The following GPC5 variants were observed in gnomAD, a reference collection of about 807,000 sequenced individuals.
The protein encoded by GPC5 is glypican 5, also known as glypican-5.
GPC5 carries 47 observed loss-of-function variants against 53.9 expected under a neutral mutation model. The ratio of observed to expected loss-of-function variants is 0.87; its 90% CI spans 0.69 to 1.11. GPC5 has a LOEUF of 1.11. Among genes scored for constraint, GPC5 ranks in the 50% most tolerant of loss-of-function variants. The pLI, the probability that GPC5 is intolerant of heterozygous loss-of-function variation, is 0.00. For missense variants in GPC5, 748 were observed against 713.1 expected, an observed-to-expected ratio of 1.05 and a Z score of -0.56; for synonymous variants, 286 against 263.3, an observed-to-expected ratio of 1.09 and a Z score of -0.84.
At chr13:92,417,711 T>C (rs1249434773) in intron 7 of GPC5, among the ~76,000 whole-genome samples, 1 of 152,006 alleles carries the variant, frequency 6.6e-6, no homozygotes, top group Non-Finnish European at 1.5e-5. Context: ...CATCTCTACC[T>C]GCTCCCAAGC....
rs146905639 is a variant in GPC5, at chr13:91,500,629, A to G, written c.325+51707A>G. Among the ~76,000 whole-genome samples, 14 of 152,322 alleles carry G rather than the reference A, an allele frequency of 9.2e-5. No homozygotes were observed. The East Asian group carries it at 2.7e-3, about 29-fold the overall frequency. ...AATAGGCATAGACTGATATTGGCCA[A>G]TCCTGGAGATTTTATTTATTTATTT... is the stretch of plus-strand genomic sequence containing the variant. On this transcript the variant is annotated intron_variant, in intron 2 of 7. Transcript: ENST00000377067.
chr13:91,886,883 G>T (rs568936606), intron 5 of GPC5, among the ~76,000 whole-genome samples: 23 of 152,230 alleles, frequency 1.5e-4, no homozygotes, highest in Admixed American at 1.5e-3. Flanking sequence ...GGCTGGCATT[G>T]TTTGTGGCTT....
At chr13:91,409,835 T>A (rs1246924456) in intron 1 of GPC5, among the ~76,000 whole-genome samples, 1 of 152,198 alleles carries the variant, frequency 6.6e-6, no homozygotes, top group African/African-American at 2.4e-5. Context: ...TCCCAACAGA[T>A]GGTTGGTCAA....
chr13:92,423,286 C>T (rs915865691), intron 7 of GPC5, among the ~76,000 whole-genome samples: 7 of 152,136 alleles, frequency 4.6e-5, no homozygotes, highest in South Asian at 2.1e-4. Flanking sequence ...GCAACACTTA[C>T]GAAAACATAT....
At chr13:92,050,121 G>A (rs903080958) in intron 6 of GPC5, among the ~76,000 whole-genome samples, 11 of 152,086 alleles carry the variant, frequency 7.2e-5, no homozygotes, top group African/African-American at 1.7e-4. Flanking sequence ...AGGAAATGAG[G>A]AGAGTGTACT....
intron 2 of GPC5, among the ~76,000 whole-genome samples, chr13:91,688,561 TAAATC>T (rs1217748309): frequency 1.3e-5 from 2 of 152,162 alleles, no homozygotes; most frequent in Non-Finnish European, 2.9e-5. Context: ...ATAAATTACT[TAAATC>T]AAATCTATTT....
chr13:91,671,780 C>CAAAAAAAAAAAAAAAAAAAAAAA (rs55758033), intron 2 of GPC5, among the ~76,000 whole-genome samples: 6 of 33,122 alleles, frequency 1.8e-4, no homozygotes, highest in Non-Finnish European at 2.9e-4. Flanking sequence ...CAATCTGAAG[C>CAAAAAAAAAAAAAAAAAAAAAAA]AAAAAAAAAA....
chr13:92,295,259 T>A (rs1381932207), intron 7 of GPC5, among the ~76,000 whole-genome samples: 4 of 152,232 alleles, frequency 2.6e-5, no homozygotes, highest in African/African-American at 9.6e-5. Context: ...ATTTCTATCC[T>A]GATTTCATTT....
intron 5 of GPC5, among the ~76,000 whole-genome samples, chr13:91,839,555 T>TA (rs1023822034): frequency 5.3e-5 from 8 of 151,800 alleles, no homozygotes; most frequent in African/African-American, 1.7e-4. Flanking sequence ...TATGTAATAT[T>TA]AAAAAAAATT....
chr13:92,521,969 A>C (rs1035092487), intron 7 of GPC5, among the ~76,000 whole-genome samples: 36 of 152,330 alleles, frequency 2.4e-4, no homozygotes, highest in African/African-American at 8.4e-4. Flanking sequence ...TGGGTGAAGG[A>C]TATGAACAGA....
rs368333375 is a variant in GPC5, at chr13:92,144,941, G to A, written c.1513G>A (p.Gly505Arg). ...GGACTGTGATGATGAAGATGGTTGC[G>A]GGGGATCAGGAAGTGGAGAAGTCAA... is the stretch of plus-strand genomic sequence containing the variant. ...SGDCDDEDGC[G>R]GSGSGEVKRT... is the part of the protein sequence containing the mutation. The change falls in exon 7 of 8, where the codon GGG becomes AGG. Residue 505 changes from glycine (G) to arginine (R), a missense_variant. Coordinates refer to ENST00000377067, the MANE Select transcript of GPC5 (RefSeq NM_004466.6). The A allele has an allele frequency of 1.6e-5, 25 of 1,583,262 alleles. 1 individual carries two copies. The Middle Eastern group carries it at 5.1e-4, about 32-fold the overall frequency.
chr13:92,029,940 G>T (rs935654970), intron 6 of GPC5, among the ~76,000 whole-genome samples: 1 of 152,036 alleles, frequency 6.6e-6, no homozygotes, highest in Non-Finnish European at 1.5e-5. Context: ...GTTCCTTACC[G>T]AAGGAAACTG....
intron 7 of GPC5, among the ~76,000 whole-genome samples, chr13:92,475,801 C>T (rs1879098544): frequency 6.6e-6 from 1 of 152,040 alleles, no homozygotes; most frequent in Non-Finnish European, 1.5e-5. Context: ...GAAAGGATTC[C>T]CTATTTAATA....
chr13:92,063,585 G>C (rs1004007004), intron 6 of GPC5, among the ~76,000 whole-genome samples: 1 of 151,776 alleles, frequency 6.6e-6, no homozygotes, highest in East Asian at 1.9e-4. Context: ...ACCAAGAGAG[G>C]GTTTTGAAAA....
intron 5 of GPC5, among the ~76,000 whole-genome samples, chr13:91,785,796 A>G (rs1443305935): frequency 6.6e-6 from 1 of 152,170 alleles, no homozygotes; most frequent in Non-Finnish European, 1.5e-5. Context: ...TTCTAAATAC[A>G]TTCAAAGTGC....
At chr13:91,975,097 C>T (rs1162101744) in intron 6 of GPC5, among the ~76,000 whole-genome samples, 7 of 152,100 alleles carry the variant, frequency 4.6e-5, no homozygotes, top group African/African-American at 1.7e-4. Flanking sequence ...ATCCCTTCCT[C>T]ACACCTTATA....
chr13:92,137,060 T>C (rs887472675), intron 6 of GPC5, among the ~76,000 whole-genome samples: 1 of 143,456 alleles, frequency 7.0e-6, no homozygotes, highest in Non-Finnish European at 1.5e-5. Context: ...CCGAAAGTTG[T>C]TTTTTTTTTT....
At chr13:91,536,936 A>T (rs780380814) in intron 2 of GPC5, among the ~76,000 whole-genome samples, 8 of 152,218 alleles carry the variant, frequency 5.3e-5, no homozygotes, top group Non-Finnish European at 1.2e-4. Flanking sequence ...AATAATAAAG[A>T]CACTACTAAA....
In GPC5 at chr13:91,884,137, A is replaced by G. The variant is rs145112267; in HGVS notation, c.1281-23800A>G. On this transcript the variant is annotated intron_variant, in intron 5 of 7. Coordinates refer to ENST00000377067, the MANE Select transcript of GPC5 (RefSeq NM_004466.6). The stretch of plus-strand genomic sequence containing the variant: ...AATGTGGAGAAAAAGGAACACTTCT[A>G]CACTGTTGGTGGGAGTGTAAATTAG... Among the ~76,000 whole-genome samples, 953 of 152,310 alleles carry G rather than the reference A, an allele frequency of 6.3e-3. 7 individuals carry two copies. The highest frequency in any genetic ancestry group is 0.022 in the African/African-American group (896 of 41,572).
Sources: allele counts gnomAD v4.1 joint callset (sites outside exome capture counted in the v4.1 genomes callset), GRCh38; gene constraint gnomAD v4.1.1; transcripts MANE v1.5; gene names NCBI Gene and HGNC (gene_info 2026-07-23, HGNC 2026-07-21).